The following CDKL5 variants were observed in gnomAD, a reference collection of about 807,000 sequenced individuals.
CDKL5 encodes the protein cyclin-dependent kinase-like 5.
CDKL5 carries 8 observed loss-of-function variants against 61.7 expected under a neutral mutation model. That is an observed-to-expected ratio of 0.13 (90% CI 0.08 to 0.23). CDKL5 has a LOEUF of 0.23. Among genes scored for constraint, CDKL5 ranks in the 10% least tolerant of loss-of-function variants. CDKL5 has a pLI of 1.00. For missense variants in CDKL5, 440 were observed against 734.5 expected, an observed-to-expected ratio of 0.60 and a Z score of 4.63; for synonymous variants, 275 against 272.3, an observed-to-expected ratio of 1.01 and a Z score of -0.10.
Position 18,506,968 on chromosome X carries a change from A to G in CDKL5, c.-129A>G. On this transcript the variant is annotated 5_prime_UTR_variant, in exon 2 of 18. It adds an upstream start codon to the 5' untranslated region. Transcript: ENST00000623535. ...TTAATACTTCATGATTAGAACAAAT[A>G]TGTGAAAGTTCCCACCAACCAGTGA... The G allele has an allele frequency of 3.8e-6, 2 of 524,345 alleles. No homozygotes were observed. 43.2% of individuals were successfully genotyped at this position (524,345 alleles called of 1,213,427 possible).
chrX:18,603,585 A>G (rs1029005016), intron 11 of CDKL5, among the ~76,000 whole-genome samples: 1 of 112,397 alleles, frequency 8.9e-6, no homozygotes, highest in East Asian at 2.8e-4. Context: ...TCTATCACAA[A>G]CACTCATATG....
At chrX:18,589,996 C>T (rs1380822790) in intron 9 of CDKL5, among the ~76,000 whole-genome samples, 2 of 111,528 alleles carry the variant, frequency 1.8e-5, no homozygotes, top group Non-Finnish European at 3.8e-5. Flanking sequence ...TTGATTTTTT[C>T]TTGTAAATTT....
In CDKL5 at chrX:18,629,456, A is replaced by AAT. The variant is rs761951403; in HGVS notation, c.*710_*711dup. ...ATCAGGAGTATTTTATTCTATATAT[A>AAT]ATATATATATATGGTAAATATCTGT... On this transcript the variant is annotated 3_prime_UTR_variant, in exon 18 of 18. Transcript: ENST00000623535. 1.8e-3 allele frequency: 963 copies of AAT among 524,649 alleles called. No individual in the cohort carries two copies. The highest frequency in any genetic ancestry group is 2.1e-3 in the Non-Finnish European group (899 of 432,536). 43.2% of individuals were successfully genotyped at this position (524,649 alleles called of 1,213,427 possible).
chrX:18,628,144 G>A (rs372618326), intron 17 of CDKL5, among the ~76,000 whole-genome samples: 4 of 111,773 alleles, frequency 3.6e-5, no homozygotes, highest in Admixed American at 1.9e-4. Context: ...ATTGGCTGCC[G>A]TACCAGCTCT....
intron 21 of CDKL5, chrX:18,653,348 G>C: frequency 8.5e-7 from 1 of 1,172,517 alleles, no homozygotes; most frequent in Non-Finnish European, 1.1e-6. Flanking sequence ...TCTGCTCCGT[G>C]GGGGGCCCGG....
chrX:18,648,010 C>A lies in CDKL5; in HGVS notation c.2797+1920C>A, dbSNP rs376968084. Among the ~76,000 whole-genome samples the A allele has an allele frequency of 1.5e-4, 17 of 111,468 alleles. No individual in the cohort carries two copies. The East Asian group carries it at 2.6e-3, about 17-fold the overall frequency. ...GGTTCTTCTGTGTTGATTGTCTCCC[C>A]CTTCCTCTCGTCTGTATGTCCCCTC... On this transcript the variant is annotated intron_variant, in intron 20 of 21. Coordinates refer to the CDKL5 transcript ENST00000379989.
downstream of CDKL5, chrX:18,642,015 T>TG (rs199469700): frequency 8.3e-7 from 1 of 1,211,337 alleles, no homozygotes; most frequent in South Asian, 1.8e-5. Context: ...CAGGCACACT[T>TG]GCTGACGCAC....
At chrX:18,594,615 TTCTA>T (rs760942619) in intron 9 of CDKL5, among the ~76,000 whole-genome samples, 73 of 112,076 alleles carry the variant, frequency 6.5e-4, no homozygotes, top group Non-Finnish European at 1.2e-3. Context: ...GCTATAAGGA[TTCTA>T]TCTAATGTCT....
chrX:18,443,465 C>T (rs1200325072), intron 1 of CDKL5, among the ~76,000 whole-genome samples: 1 of 111,703 alleles, frequency 9.0e-6, no homozygotes, highest in Non-Finnish European at 1.9e-5. Context: ...AGCCCAGTAC[C>T]TAGTAGTTAT....
chrX:18,552,606 G>A (rs1359469659), intron 3 of CDKL5, among the ~76,000 whole-genome samples: 1 of 111,801 alleles, frequency 8.9e-6, no homozygotes, highest in African/African-American at 3.3e-5. Flanking sequence ...TGTAAAGGTG[G>A]AACTTTAATG....
chrX:18,619,737 T>TA, intron 15 of CDKL5, 130 bp from the exon 16 acceptor site: 1 of 481,050 alleles, frequency 2.1e-6, no homozygotes, highest in African/African-American at 2.4e-5. Flanking sequence ...AGAGGCTCTT[T>TA]ACCCAAGTGT....
rs1602220730 is a variant in CDKL5, at chrX:18,487,055, G to C, written c.-162-19880G>C. Reference sequence around the variant, plus strand: ...GCTTTAAGAGGTGGAATTGACTGTAGATAAGAATTGTGGTTAGGCTAAATA... The same window carrying C: ...GCTTTAAGAGGTGGAATTGACTGTACATAAGAATTGTGGTTAGGCTAAATA... On this transcript the variant is annotated intron_variant, in intron 1 of 17. Transcript: ENST00000623535. 6.3e-5 allele frequency among the ~76,000 whole-genome samples: 7 copies of C among 111,855 alleles called. 2 individuals carry two copies. In the Admixed American group the frequency reaches 6.7e-4, roughly 11 times the overall value.
intron 1 of CDKL5, among the ~76,000 whole-genome samples, chrX:18,482,983 T>G (rs375239317): frequency 1.8e-5 from 2 of 112,293 alleles, no homozygotes; most frequent in East Asian, 5.6e-4. Context: ...GCTTTAAAAA[T>G]GTTAATGACA....
rs564835289 is a variant in CDKL5 at position 18,501,131 on chromosome X, G to A, written c.-162-5804G>A. Among the ~76,000 whole-genome samples, 385 of 108,404 alleles carry A rather than the reference G, an allele frequency of 3.6e-3. 2 individuals carry two copies. In the Middle Eastern group the frequency reaches 0.046, roughly 13 times the overall value. The allele number at this position is 108,404 out of a possible 115,157, so 94.1% of individuals were successfully genotyped here. A position where few individuals can be genotyped will look rare whatever the true frequency, so the allele number is the denominator to read the frequency against. On this transcript the variant is annotated intron_variant, in intron 1 of 17. Transcript: ENST00000623535. ...GCTAGGATTACAGACGTGAGCCACTGTAGCCGGCCCCACTCACATTCTGAT... is the reference window on the plus strand; with the variant it reads ...GCTAGGATTACAGACGTGAGCCACTATAGCCGGCCCCACTCACATTCTGAT...
intron 9 of CDKL5, among the ~76,000 whole-genome samples, chrX:18,590,579 A>G (rs1395147435): frequency 9.0e-6 from 1 of 111,517 alleles, no homozygotes; most frequent in Admixed American, 9.5e-5. Context: ...TATCTTTTTT[A>G]TCTCCTGCTT....
chrX:18,599,226 C>T (rs970118826), intron 11 of CDKL5, among the ~76,000 whole-genome samples: 13 of 112,141 alleles, frequency 1.2e-4, no homozygotes, highest in African/African-American at 4.2e-4. Context: ...GAAAAACACA[C>T]ACACAGGATT....
chrX:18,573,467 C>G (rs1199485856), intron 4 of CDKL5, among the ~76,000 whole-genome samples: 3 of 112,072 alleles, frequency 2.7e-5, no homozygotes, highest in African/African-American at 9.7e-5. Flanking sequence ...CACCACTGTT[C>G]TGGCTCACCC....
intron 4 of CDKL5, among the ~76,000 whole-genome samples, chrX:18,566,661 TAGG>T (rs1924979193): frequency 1.8e-5 from 2 of 111,718 alleles, no homozygotes. Flanking sequence ...TATGACCTAT[TAGG>T]AGAATTAAGA....
At chrX:18,486,178 T>G (rs1486283731) in intron 1 of CDKL5, among the ~76,000 whole-genome samples, 3 of 112,113 alleles carry the variant, frequency 2.7e-5, no homozygotes. Flanking sequence ...CCTATATTTT[T>G]GCACAAACTT....
Sources: allele counts gnomAD v4.1 joint callset (sites outside exome capture counted in the v4.1 genomes callset), GRCh38; gene constraint gnomAD v4.1.1; transcripts MANE v1.5; gene names NCBI Gene and HGNC (gene_info 2026-07-23, HGNC 2026-07-21).